The following ARHGAP24 variants were observed in gnomAD, a reference collection of about 807,000 sequenced individuals.
ARHGAP24 encodes Rho GTPase activating protein 24.
Under a neutral mutation model 76.4 loss-of-function variants are expected in ARHGAP24, and 50 were observed. The observed-to-expected ratio is 0.65, with a 90% confidence interval of 0.52 to 0.83. ARHGAP24 has a LOEUF of 0.83. ARHGAP24 is among the 40% of genes least tolerant of loss of function. The pLI, the probability that ARHGAP24 is intolerant of heterozygous loss-of-function variation, is 0.00. For missense variants in ARHGAP24, 930 were observed against 914.2 expected (o/e 1.02, Z -0.22); for synonymous variants, 345 against 323.3 (o/e 1.07, Z -0.72).
At chr4:85,729,314 C>A (rs1418465345) in intron 3 of ARHGAP24, among the ~76,000 whole-genome samples, 2 of 152,144 alleles carry the variant, frequency 1.3e-5, no homozygotes, top group Non-Finnish European at 2.9e-5. Context: ...CATGTATTAA[C>A]TACTATGTGT....
At chr4:85,957,808 C>G (rs1738010688) in intron 5 of ARHGAP24, among the ~76,000 whole-genome samples, 1 of 152,160 alleles carries the variant, frequency 6.6e-6, no homozygotes, top group Non-Finnish European at 1.5e-5. Flanking sequence ...TGAGAAATAC[C>G]TCCATGAATG....
intron 8 of ARHGAP24, chr4:85,990,901 A>G (rs1578475448): frequency 6.6e-6 from 1 of 151,986 alleles, no homozygotes; most frequent in Admixed American, 6.6e-5. Flanking sequence ...CTATAAAAAT[A>G]TTTTTTTAAA....
chr4:85,514,665 C>A (rs551651611), intron 1 of ARHGAP24, among the ~76,000 whole-genome samples: 2 of 151,580 alleles, frequency 1.3e-5, no homozygotes, highest in Non-Finnish European at 2.9e-5. Flanking sequence ...GGAGGGGAGC[C>A]ACCTTTGTTC....
chr4:85,973,960 A>G (rs1365926015), intron 6 of ARHGAP24, among the ~76,000 whole-genome samples: 2 of 145,848 alleles, frequency 1.4e-5, no homozygotes, highest in African/African-American at 2.6e-5. Flanking sequence ...CTCCTGCCTC[A>G]GCCTCCCAAG....
At chr4:85,594,927 T>C (rs536666119) in intron 2 of ARHGAP24, among the ~76,000 whole-genome samples, 2 of 151,990 alleles carry the variant, frequency 1.3e-5, no homozygotes, top group East Asian at 3.9e-4. Flanking sequence ...TTTAGAAAAA[T>C]GAATTTAAGT....
chr4:85,614,276 T>G (rs1006515762), intron 2 of ARHGAP24, among the ~76,000 whole-genome samples: 2 of 152,158 alleles, frequency 1.3e-5, no homozygotes, highest in Non-Finnish European at 2.9e-5. Context: ...ATTTACCAGT[T>G]GTATGACATT....
intron 6 of ARHGAP24, 75 bp downstream of exon 6, chr4:85,972,243 A>G: frequency 6.3e-7 from 1 of 1,584,882 alleles, no homozygotes; most frequent in South Asian, 1.1e-5. Context: ...TAAATCTGTA[A>G]ATTTCCATTG....
At chr4:85,626,105 C>A in intron 2 of ARHGAP24, among the ~76,000 whole-genome samples, 1 of 152,158 alleles carries the variant, frequency 6.6e-6, no homozygotes, top group Non-Finnish European at 1.5e-5. Context: ...GAATTTGATC[C>A]TGTCATTATG....
intron 3 of ARHGAP24, among the ~76,000 whole-genome samples, chr4:85,726,710 C>G (rs1725181837): frequency 1.3e-5 from 2 of 152,132 alleles, no homozygotes; most frequent in Non-Finnish European, 2.9e-5. Flanking sequence ...ATGTCTGTAG[C>G]CTTATCAGTA....
intron 1 of ARHGAP24, among the ~76,000 whole-genome samples, chr4:85,560,198 G>T (rs1726539278): frequency 1.3e-5 from 2 of 151,766 alleles, no homozygotes; most frequent in Non-Finnish European, 2.9e-5. Context: ...TTTTTTATTT[G>T]TCCTTCAGAT....
intron 3 of ARHGAP24, among the ~76,000 whole-genome samples, chr4:85,782,935 T>A (rs1727632932): frequency 6.6e-6 from 1 of 152,208 alleles, no homozygotes; most frequent in Non-Finnish European, 1.5e-5. Flanking sequence ...AATAAAATGA[T>A]GTTAAAACTG....
intron 3 of ARHGAP24, among the ~76,000 whole-genome samples, chr4:85,918,373 G>T (rs1347471988): frequency 6.6e-6 from 1 of 151,450 alleles, no homozygotes; most frequent in Non-Finnish European, 1.5e-5. Flanking sequence ...TGAGCATGTT[G>T]GTATCATTTG....
At chr4:85,569,432 CT>C (rs1263812273) in intron 1 of ARHGAP24, among the ~76,000 whole-genome samples, 3 of 152,196 alleles carry the variant, frequency 2.0e-5, no homozygotes, top group African/African-American at 7.2e-5. Context: ...CCACTTGTCC[CT>C]GGCTCCCCCA....
intron 1 of ARHGAP24, among the ~76,000 whole-genome samples, chr4:85,557,199 G>A (rs78835113): frequency 0.025 from 3,875 of 152,288 alleles, 182 homozygotes; most frequent in African/African-American, 0.088. Flanking sequence ...AGGCCAATGG[G>A]CCTTATCCTG....
At chr4:85,667,068 G>A (rs1225805364) in intron 2 of ARHGAP24, among the ~76,000 whole-genome samples, 2 of 152,188 alleles carry the variant, frequency 1.3e-5, no homozygotes, top group East Asian at 3.9e-4. Flanking sequence ...GGTTACTGCT[G>A]TCTTTTTGTT....
chr4:85,779,804 G>C (rs149335247), intron 3 of ARHGAP24, among the ~76,000 whole-genome samples: 1 of 152,096 alleles, frequency 6.6e-6, no homozygotes, highest in African/African-American at 2.4e-5. Flanking sequence ...CTCTTTCCCC[G>C]AGGCCCTGGC....
chr4:85,949,472 G>A (rs1169715445), intron 5 of ARHGAP24, among the ~76,000 whole-genome samples: 1 of 152,192 alleles, frequency 6.6e-6, no homozygotes, highest in Non-Finnish European at 1.5e-5. Flanking sequence ...GAGCTTTACT[G>A]ACAAGACAGG....
At chr4:85,949,640 G>C (rs745733292) in intron 5 of ARHGAP24, among the ~76,000 whole-genome samples, 3 of 152,154 alleles carry the variant, frequency 2.0e-5, no homozygotes, top group Non-Finnish European at 4.4e-5. Flanking sequence ...GAAGCTACAA[G>C]ACCTTTAAGG....
At chr4:85,900,350 A>G (rs576849877) in intron 3 of ARHGAP24, among the ~76,000 whole-genome samples, 1 of 152,344 alleles carries the variant, frequency 6.6e-6, no homozygotes, top group African/African-American at 2.4e-5. Flanking sequence ...GCAAACACAA[A>G]TAGTATGCAT....
Sources: allele counts gnomAD v4.1 joint callset (sites outside exome capture counted in the v4.1 genomes callset), GRCh38; gene constraint gnomAD v4.1.1; transcripts MANE v1.5; gene names NCBI Gene and HGNC (gene_info 2026-07-23, HGNC 2026-07-21).